FSTL5: variants seen among roughly 807,000 people sequenced by gnomAD.
FSTL5 encodes follistatin like 5.
Under a neutral mutation model 89.1 loss-of-function variants are expected in FSTL5, and 62 were observed. The ratio of observed to expected loss-of-function variants is 0.70; its 90% confidence interval spans 0.57 to 0.86. The LOEUF (loss-of-function observed/expected upper bound fraction) is 0.86. FSTL5 is among the 40% of genes least tolerant of loss of function. The pLI is 0.00. For synonymous variants in FSTL5, 383 were observed against 346.2 expected, an observed-to-expected ratio of 1.11 and a Z score of -1.18; for missense variants, 1,057 against 1,001.6, an observed-to-expected ratio of 1.06 and a Z score of -0.75.
intron 7 of FSTL5, among the ~76,000 whole-genome samples, chr4:161,639,174 T>A (rs917471759): frequency 8.6e-5 from 13 of 152,042 alleles, no homozygotes; most frequent in Non-Finnish European, 1.8e-4. Flanking sequence ...CACTATAAAT[T>A]TCCTCTTAGT....
Position 161,864,025 on chromosome 4 carries a change from G to A in FSTL5, c.409+56379C>T, listed in dbSNP as rs1210669675. On this transcript the variant is annotated intron_variant, in intron 4 of 15. Coordinates refer to ENST00000306100, the MANE Select transcript of FSTL5 (RefSeq NM_020116.5). ...TCTATTTAGTTGGAACCCCCATAAA[G>A]CTCCAAGAGTAGTGTCAACTTTTGT... is the stretch of plus-strand genomic sequence containing the variant. Among the ~76,000 whole-genome samples the A allele has an allele frequency of 2.6e-5, 4 of 152,272 alleles. No individual in the cohort carries two copies. The South Asian group carries it at 8.3e-4, about 32-fold the overall frequency.
intron 15 of FSTL5, among the ~76,000 whole-genome samples, chr4:161,398,775 G>A (rs562418425): frequency 2.0e-5 from 3 of 152,106 alleles, no homozygotes; most frequent in South Asian, 4.1e-4. Flanking sequence ...TAGCATGAAG[G>A]TTATTCCACA....
At chr4:162,112,288 G>C (rs1235859140) in intron 1 of FSTL5, among the ~76,000 whole-genome samples, 1 of 152,162 alleles carries the variant, frequency 6.6e-6, no homozygotes, top group Admixed American at 6.5e-5. Context: ...TTTTGGGTCT[G>C]TTTTAGCGAC....
chr4:161,651,406 G>A (rs187319183), intron 7 of FSTL5, among the ~76,000 whole-genome samples: 116 of 151,132 alleles, frequency 7.7e-4, no homozygotes, highest in Admixed American at 1.3e-3. Flanking sequence ...TTTGGTTCCA[G>A]CATTTCCTGT....
At chr4:161,839,302 C>A (rs1200414266) in intron 4 of FSTL5, among the ~76,000 whole-genome samples, 3 of 151,940 alleles carry the variant, frequency 2.0e-5, no homozygotes, top group African/African-American at 7.2e-5. Flanking sequence ...GAGAAAGAGA[C>A]CACAACTTAA....
chr4:161,981,589 C>T (rs1204776200), intron 3 of FSTL5, among the ~76,000 whole-genome samples: 1 of 152,108 alleles, frequency 6.6e-6, no homozygotes, highest in South Asian at 2.1e-4. Context: ...GTGATAAGGG[C>T]ATTATACTTT....
At chr4:162,071,148 A>G (rs1472960151) in intron 2 of FSTL5, among the ~76,000 whole-genome samples, 1 of 151,668 alleles carries the variant, frequency 6.6e-6, no homozygotes, top group Non-Finnish European at 1.5e-5. Context: ...AAAATTTTGA[A>G]TTCAAATGGT....
At chr4:161,402,622 G>A (rs550669009) in intron 15 of FSTL5, among the ~76,000 whole-genome samples, 1 of 152,198 alleles carries the variant, frequency 6.6e-6, no homozygotes, top group South Asian at 2.1e-4. Context: ...CACTCCCCGT[G>A]CAATGTTAGG....
At chr4:162,060,328 A>G (rs1363207978) in intron 2 of FSTL5, among the ~76,000 whole-genome samples, 2 of 152,132 alleles carry the variant, frequency 1.3e-5, no homozygotes, top group East Asian at 3.9e-4. Context: ...CCAACATAGC[A>G]TAGTAGAGCT....
At chr4:161,908,545 AC>A (rs1733601477) in intron 4 of FSTL5, among the ~76,000 whole-genome samples, 1 of 152,050 alleles carries the variant, frequency 6.6e-6, no homozygotes, top group Non-Finnish European at 1.5e-5. Context: ...TTAAAATAGC[AC>A]TTTCTTTTAT....
chr4:161,753,696 G>A (rs923876302), intron 6 of FSTL5, among the ~76,000 whole-genome samples: 1 of 152,048 alleles, frequency 6.6e-6, no homozygotes, highest in Non-Finnish European at 1.5e-5. Context: ...TGCTTTCCCT[G>A]GAGAATGAGT....
At chr4:161,664,240 A>C (rs919286799) in intron 6 of FSTL5, among the ~76,000 whole-genome samples, 1 of 152,208 alleles carries the variant, frequency 6.6e-6, no homozygotes, top group African/African-American at 2.4e-5. Flanking sequence ...ATTTCTCCCC[A>C]GAAAATGGAT....
intron 4 of FSTL5, among the ~76,000 whole-genome samples, chr4:161,805,005 G>A (rs1729915335): frequency 6.6e-6 from 1 of 152,036 alleles, no homozygotes; most frequent in Non-Finnish European, 1.5e-5. Flanking sequence ...TTAATGACCA[G>A]TGAATACAGC....
At chr4:161,850,001 G>T (rs181327448) in intron 4 of FSTL5, among the ~76,000 whole-genome samples, 6 of 152,176 alleles carry the variant, frequency 3.9e-5, no homozygotes, top group Admixed American at 3.9e-4. Context: ...CATTAAAATG[G>T]AATTGCTTGA....
At chr4:161,617,941 C>A (rs1255524622) in intron 7 of FSTL5, among the ~76,000 whole-genome samples, 1 of 152,156 alleles carries the variant, frequency 6.6e-6, no homozygotes, top group Admixed American at 6.5e-5. Flanking sequence ...GATATTGATT[C>A]TTCCTACCCA....
chr4:161,769,946 G>T (rs1295653363), intron 5 of FSTL5, among the ~76,000 whole-genome samples: 4 of 151,346 alleles, frequency 2.6e-5, no homozygotes, highest in African/African-American at 9.7e-5. Context: ...CAATAGCCAA[G>T]ATTTGGAAGC....
At chr4:161,626,648 T>A (rs149831695) in intron 7 of FSTL5, among the ~76,000 whole-genome samples, 3,142 of 152,304 alleles carry the variant, frequency 0.021, 88 homozygotes, top group South Asian at 0.14. Context: ...ATTTCTAGTC[T>A]TATTATTTAA....
At chr4:161,638,614 T>C (rs1282469530) in intron 7 of FSTL5, among the ~76,000 whole-genome samples, 1 of 145,550 alleles carries the variant, frequency 6.9e-6, no homozygotes, top group Non-Finnish European at 1.5e-5. Flanking sequence ...TTCCAATCAA[T>C]AGAAAAAGAG....
intron 4 of FSTL5, among the ~76,000 whole-genome samples, chr4:161,779,759 TTATA>T (rs1240577419): frequency 9.6e-5 from 3 of 31,172 alleles, no homozygotes; most frequent in Non-Finnish European, 1.0e-4. Flanking sequence ...ATTTGTAAAG[TTATA>T]TATATATATA....
Sources: gnomAD v4.1 joint callset for allele counts (sites outside exome capture counted in the v4.1 genomes callset) on GRCh38, gnomAD v4.1.1 for gene constraint, MANE v1.5 for transcripts, NCBI Gene and HGNC (gene_info 2026-07-23, HGNC 2026-07-21) for gene names.